Variants in RPL26L1 observed in about 807,000 individuals in gnomAD.
RPL26L1 encodes the protein ribosomal protein L26 like 1.
A neutral mutation model predicts 15.2 loss-of-function variants in RPL26L1; 8 were observed. The ratio of observed to expected loss-of-function variants is 0.53; its 90% CI spans 0.31 to 0.95. The LOEUF is 0.95. Among genes scored for constraint, RPL26L1 ranks in the 40% least tolerant of loss-of-function variants. The pLI is 0.05. For synonymous variants in RPL26L1, 51 were observed against 65.9 expected (o/e 0.77, Z 1.09); for missense variants, 146 against 190.9 (o/e 0.76, Z 1.39).
In RPL26L1 at chr5:172,959,818, T is replaced by G. The variant is rs1353495136; in HGVS notation, c.-9-47T>G. ...GTCTTGGGTCGAGAACAGGCCCCTG[T>G]AACCCACTGAGCGCCCCTTCATTCC... On this transcript the variant is annotated intron_variant, in intron 1 of 3. Coordinates refer to ENST00000265100, the MANE Select transcript of RPL26L1 (RefSeq NM_016093.4). 127 of 1,592,954 alleles carry G rather than the reference T, an allele frequency of 8.0e-5. 2 individuals carry two copies. The South Asian group carries it at 1.3e-3, about 16-fold the overall frequency.
At position 172,959,962 on chromosome 5, in the gene RPL26L1, T is replaced by C. The variant is rs1256104417; in HGVS notation, c.89T>C (p.Met30Thr). 1 of 1,614,200 alleles carries C rather than the reference T, an allele frequency of 6.2e-7. No individual in the cohort carries two copies. Among genetic ancestry groups the C allele is most frequent in the South Asian group, 1.1e-5 (1 of 91,080 alleles). ...CCCTCACACGTGCGCAGGAAGATCATGTCATCCCCGCTCTCCAAGGAGCTG... is the reference window on the plus strand; with the variant it reads ...CCCTCACACGTGCGCAGGAAGATCACGTCATCCCCGCTCTCCAAGGAGCTG... ...NAPSHVRRKI[M>T]SSPLSKELRQ... The change falls in exon 2 of 4, where the codon ATG becomes ACG. Residue 30 changes from methionine (M) to threonine (T), a missense_variant. Coordinates refer to ENST00000265100, the MANE Select transcript of RPL26L1 (RefSeq NM_016093.4).
In RPL26L1 at chr5:172,960,055, C is replaced by T. The variant is rs565142762; in HGVS notation, c.168+14C>T. ...GACGAGGTCCAGGTACGTCTCCCTC[C>T]GGCGCTAGTGGCGCTCGGACACCGT... On this transcript the variant is annotated intron_variant, in intron 2 of 3. Transcript: ENST00000265100. 3.7e-6 allele frequency: 6 copies of T among 1,613,892 alleles called. 1 individual carries two copies. Among genetic ancestry groups the T allele is most frequent in the East Asian group, 4.5e-5 (2 of 44,882 alleles).
intron 2 of RPL26L1, among the ~76,000 whole-genome samples, chr5:172,962,815 CA>C (rs56210758): frequency 0.26 from 16,035 of 62,314 alleles, 499 homozygotes; most frequent in East Asian, 0.48. Context: ...GGCTCTGTCT[CA>C]AAAAAAAAAA....
chr5:172,968,659 TA>T, intron 3 of RPL26L1, 60 bp downstream of exon 3: 1 of 1,606,084 alleles, frequency 6.2e-7, no homozygotes, highest in South Asian at 1.1e-5. Context: ...TGTTCAAAGT[TA>T]TTGGTGTTTT....
upstream of RPL26L1, chr5:172,955,129 GTTTTTTTT>G (rs58150544): frequency 8.3e-5 from 19 of 228,386 alleles, no homozygotes; most frequent in Middle Eastern, 1.5e-3. Context: ...GCTGTGGTTA[GTTTTTTTT>G]TTTTTTTTTT....
At chr5:172,958,919 A>T (rs1238655798), upstream of RPL26L1, 1 of 154,654 alleles carries the variant, frequency 6.5e-6, no homozygotes, top group Non-Finnish European at 1.4e-5. Flanking sequence ...GTTTAGTCCC[A>T]GAGATAGAAA....
intron 3 of RPL26L1, 77 bp from the exon 4 acceptor site, chr5:172,969,336 C>G: frequency 1.4e-6 from 2 of 1,478,510 alleles, no homozygotes; most frequent in Non-Finnish European, 1.9e-6. Context: ...TGAGGTCTTA[C>G]TTAACTTATG....
upstream of RPL26L1, chr5:172,954,992 G>A: frequency 2.2e-6 from 1 of 456,170 alleles, no homozygotes; most frequent in Non-Finnish European, 4.4e-6. Flanking sequence ...GGCGTCTCTG[G>A]AGACGTGCTT....
At chr5:172,959,287 C>CA (rs112505850), upstream of RPL26L1, 25,398 of 776,976 alleles carry the variant, frequency 0.033, 1,047 homozygotes, top group African/African-American at 0.18. Context: ...CCCTTGTACT[C>CA]ACTGGCATCG....
chr5:172,955,067 G>C (rs1764326423), upstream of RPL26L1: 5 of 455,500 alleles, frequency 1.1e-5, no homozygotes, highest in Non-Finnish European at 1.8e-5. Flanking sequence ...CTGGGAAGAG[G>C]GGGTGAAACC....
intron 2 of RPL26L1, among the ~76,000 whole-genome samples, chr5:172,965,057 G>A (rs1755404673): frequency 6.6e-6 from 1 of 152,204 alleles, no homozygotes; most frequent in Admixed American, 6.5e-5. Context: ...GATGGCACAT[G>A]CCTGTAATCC....
intron 1 of RPL26L1, 95 bp from the exon 2 acceptor site, chr5:172,959,770 G>A (rs1219528759): frequency 1.4e-6 from 2 of 1,389,878 alleles, no homozygotes; most frequent in African/African-American, 2.8e-5. Flanking sequence ...CCCCTGTAGA[G>A]CCTTTGTTGG....
upstream of RPL26L1, chr5:172,959,221 CAAA>C (rs771570084): frequency 5.3e-4 from 102 of 193,558 alleles, no homozygotes; most frequent in Middle Eastern, 2.5e-3. Flanking sequence ...GACTCCGTCT[CAAA>C]AAAAAAAAAA....
chr5:172,959,041 T>A (rs1210091158), upstream of RPL26L1: 1 of 152,202 alleles, frequency 6.6e-6, no homozygotes, highest in African/African-American at 2.4e-5. Context: ...GCTAACAGGG[T>A]GAAACCCCGT....
Position 172,964,272 on chromosome 5 carries a change from G to A in RPL26L1, c.169-4187G>A, listed in dbSNP as rs1755360369. 5.5e-5 allele frequency among the ~76,000 whole-genome samples: 6 copies of A among 108,384 alleles called. No homozygotes were observed. The South Asian group carries it at 1.9e-3, about 34-fold the overall frequency. The allele number at this position is 108,384 out of a possible 152,430, so 71.1% of individuals were successfully genotyped here. ...TTACAGGCATGAGCCACAGTGTCTGGCCTGTTGCCTTTTTTTTTTTTTTTT... is the reference window on the plus strand; with the variant it reads ...TTACAGGCATGAGCCACAGTGTCTGACCTGTTGCCTTTTTTTTTTTTTTTT... On this transcript the variant is annotated intron_variant, in intron 2 of 3. Coordinates refer to ENST00000265100, the MANE Select transcript of RPL26L1 (RefSeq NM_016093.4).
At chr5:172,965,127 G>A (rs1328333558) in intron 2 of RPL26L1, among the ~76,000 whole-genome samples, 1 of 152,136 alleles carries the variant, frequency 6.6e-6, no homozygotes, top group Non-Finnish European at 1.5e-5. Flanking sequence ...CGGAGGTTGT[G>A]GTGAGCCAAG....
chr5:172,967,431 C>G (rs1222677945), intron 2 of RPL26L1, among the ~76,000 whole-genome samples: 1 of 151,996 alleles, frequency 6.6e-6, no homozygotes, highest in Non-Finnish European at 1.5e-5. Flanking sequence ...TGCCAGTGCC[C>G]TCCAGCCTGG....
chr5:172,962,299 G>A (rs1464261303), intron 2 of RPL26L1, among the ~76,000 whole-genome samples: 2 of 152,120 alleles, frequency 1.3e-5, no homozygotes, highest in Admixed American at 1.3e-4. Context: ...CTGAGCTCAG[G>A]AGTTTGAGAC....
chr5:172,963,296 C>T (rs1755314528), intron 2 of RPL26L1, among the ~76,000 whole-genome samples: 1 of 151,692 alleles, frequency 6.6e-6, no homozygotes, highest in African/African-American at 2.4e-5. Context: ...ATCGCTTTAA[C>T]CTAGGAGGTA....
Sources: allele counts gnomAD v4.1 joint callset (sites outside exome capture counted in the v4.1 genomes callset), GRCh38; gene constraint gnomAD v4.1.1; transcripts MANE v1.5; gene names NCBI Gene and HGNC (gene_info 2026-07-23, HGNC 2026-07-21).